Variants in SYT16 observed in about 807,000 individuals in gnomAD.
The protein encoded by SYT16 is synaptotagmin 16.
In SYT16, 42 loss-of-function variants were observed where a neutral mutation model predicts 61.4. That is an observed-to-expected ratio of 0.68 (90% CI 0.53 to 0.89). SYT16 has a LOEUF of 0.89. Among genes scored for constraint, SYT16 ranks in the 40% least tolerant of loss-of-function variants. SYT16 has a pLI of 0.00. For synonymous variants in SYT16, 314 were observed against 302.3 expected, an observed-to-expected ratio of 1.04 and a Z score of -0.40; for missense variants, 804 against 807.3, an observed-to-expected ratio of 1.00 and a Z score of 0.05.
At chr14:62,030,333 T>C (rs1432158168) in intron 3 of SYT16, among the ~76,000 whole-genome samples, 1 of 152,196 alleles carries the variant, frequency 6.6e-6, no homozygotes, top group East Asian at 1.9e-4. Context: ...TTTGAAAGTG[T>C]TTTAAACAGA....
At position 62,109,659 on chromosome 14, in the gene SYT16, A is replaced by G. The variant is rs1218206165; in HGVS notation, c.*8952A>G. The G allele has an allele frequency of 6.6e-6, 1 of 152,184 alleles. No homozygotes were observed. Among genetic ancestry groups the G allele is most frequent in the Admixed American group, 6.5e-5 (1 of 15,278 alleles). 9.4% of individuals were successfully genotyped at this position (152,184 alleles called of 1,614,324 possible). On this transcript the variant is annotated 3_prime_UTR_variant, in exon 8 of 8. Transcript: ENST00000683842. ...TTTCCCTCCATTGGAATCTAAACAGAAAGTTCTGAAGGTTATGAAGACGTG... is the reference window on the plus strand; with the variant it reads ...TTTCCCTCCATTGGAATCTAAACAGGAAGTTCTGAAGGTTATGAAGACGTG...
intron 3 of SYT16, among the ~76,000 whole-genome samples, chr14:62,010,082 A>G (rs2053383148): frequency 6.6e-6 from 1 of 152,164 alleles, no homozygotes; most frequent in Non-Finnish European, 1.5e-5. Context: ...AAATTTGACC[A>G]ATAGTGTAGT....
chr14:61,995,802 C>T (rs562051325), intron 2 of SYT16, 74 bp from the exon 3 acceptor site: 22 of 412,228 alleles, frequency 5.3e-5, no homozygotes, highest in East Asian at 3.9e-4. Context: ...TGTTTGACAT[C>T]GTCTGTAGGT....
rs1233745354 is a variant in SYT16 at position 62,048,548 on chromosome 14, G to A, written c.524-21055G>A. ...TGAATGTGTTTGCTCTTGCTTCTCT[G>A]GTTCTTTTAATTGTGATGTTAGGGT... On this transcript the variant is annotated intron_variant, in intron 3 of 7. Transcript: ENST00000683842. 4.6e-5 allele frequency among the ~76,000 whole-genome samples: 7 copies of A among 152,002 alleles called. No individual in the cohort carries two copies. The East Asian group carries it at 5.8e-4, about 13-fold the overall frequency.
chr14:61,945,902 C>T (rs1164113625), intron 1 of SYT16, among the ~76,000 whole-genome samples: 2 of 146,738 alleles, frequency 1.4e-5, no homozygotes, highest in East Asian at 4.1e-4. Context: ...AGTTAATGTC[C>T]TCTGCAGGGA....
intron 1 of SYT16, among the ~76,000 whole-genome samples, chr14:61,907,284 A>G (rs1269576651): frequency 6.6e-6 from 1 of 152,240 alleles, no homozygotes; most frequent in Non-Finnish European, 1.5e-5. Context: ...TGAGTGAGAC[A>G]TGTATATTAA....
intron 3 of SYT16, among the ~76,000 whole-genome samples, chr14:62,016,409 A>T (rs2053678126): frequency 6.6e-6 from 1 of 152,058 alleles, no homozygotes; most frequent in Non-Finnish European, 1.5e-5. Context: ...AAGTTATGGC[A>T]TTGGCCGGGT....
chr14:62,007,651 T>G (rs1057178354), intron 3 of SYT16, among the ~76,000 whole-genome samples: 4 of 152,248 alleles, frequency 2.6e-5, no homozygotes, highest in East Asian at 1.9e-4. Flanking sequence ...TGGACAGAAG[T>G]TAGAATATGT....
chr14:61,836,115 A>T (rs986872665), intron 1 of SYT16, among the ~76,000 whole-genome samples: 18 of 152,204 alleles, frequency 1.2e-4, no homozygotes, highest in African/African-American at 4.3e-4. Context: ...TACTTGCTAA[A>T]GTTTGAAAAC....
rs897859987 is a variant in SYT16 at position 62,110,190 on chromosome 14, G to A, written c.*9483G>A. The A allele has an allele frequency of 1.3e-5, 2 of 152,242 alleles. No individual in the cohort carries two copies. The highest frequency in any genetic ancestry group is 4.1e-4 in the South Asian group (2 of 4,830). 9.4% of individuals were successfully genotyped at this position (152,242 alleles called of 1,614,324 possible). On this transcript the variant is annotated 3_prime_UTR_variant, in exon 8 of 8. Coordinates refer to ENST00000683842, the MANE Select transcript of SYT16 (RefSeq NM_001367656.1). The stretch of plus-strand genomic sequence containing the variant: ...AGAATATTGGATTAAAGTTGATGAG[G>A]CCTGTGTTCTGATATCAAATCTTCC...
At position 62,101,970 on chromosome 14, in the gene SYT16, A is replaced by G. The variant is rs1409435568; in HGVS notation, c.*1263A>G. The G allele has an allele frequency of 6.6e-6, 1 of 152,212 alleles. No individual in the cohort carries two copies. The highest frequency in any genetic ancestry group is 1.5e-5 in the Non-Finnish European group (1 of 68,020). The allele number at this position is 152,212 out of a possible 1,614,324, so 9.4% of individuals were successfully genotyped here. A position where few individuals can be genotyped will look rare whatever the true frequency, so the allele number is the denominator to read the frequency against. On this transcript the variant is annotated 3_prime_UTR_variant, in exon 8 of 8. Coordinates refer to ENST00000683842, the MANE Select transcript of SYT16 (RefSeq NM_001367656.1). ...GTGCATGTTTACTTTCCTTATTCAT[A>G]GGTCTGGGCCCTTAATTTCAATTAC...
Position 62,069,589 on chromosome 14 carries a change from T to C in SYT16, c.524-14T>C. The C allele has an allele frequency of 6.2e-7, 1 of 1,611,750 alleles. No individual in the cohort carries two copies. Among genetic ancestry groups the C allele is most frequent in the Non-Finnish European group, 8.5e-7 (1 of 1,177,884 alleles). The stretch of plus-strand genomic sequence containing the variant: ...AGGCCACACAGGAGACTCATGGCTC[T>C]TGTTTACTCCCAGTCAACAGCTTTG... On this transcript the variant is annotated splice_polypyrimidine_tract_variant and intron_variant, in intron 3 of 7. Transcript: ENST00000683842.
intron 1 of SYT16, among the ~76,000 whole-genome samples, chr14:61,903,672 C>T (rs2048601105): frequency 6.6e-6 from 1 of 152,044 alleles, no homozygotes; most frequent in African/African-American, 2.4e-5. Context: ...CATTTTTTGA[C>T]TGGGATGGAA....
intron 1 of SYT16, among the ~76,000 whole-genome samples, chr14:61,875,509 T>C (rs2047459271): frequency 6.6e-6 from 1 of 152,188 alleles, no homozygotes; most frequent in Non-Finnish European, 1.5e-5. Flanking sequence ...TTTTTTCTCA[T>C]GTAAGGTTTT....
At chr14:62,053,468 G>A (rs1175312830) in intron 3 of SYT16, among the ~76,000 whole-genome samples, 1 of 152,146 alleles carries the variant, frequency 6.6e-6, no homozygotes, top group Non-Finnish European at 1.5e-5. Context: ...GCAGACCTTG[G>A]CACTTCTCAG....
intron 3 of SYT16, among the ~76,000 whole-genome samples, chr14:62,056,173 C>G (rs772668050): frequency 6.6e-6 from 1 of 151,884 alleles, no homozygotes; most frequent in African/African-American, 2.4e-5. Flanking sequence ...AGGAACATCA[C>G]GACGTTTGAT....
chr14:61,971,924 C>T (rs543470278), intron 2 of SYT16, among the ~76,000 whole-genome samples: 3 of 152,292 alleles, frequency 2.0e-5, no homozygotes, highest in South Asian at 2.1e-4. Flanking sequence ...GTGAGTGAGA[C>T]GAACAGATGT....
intron 2 of SYT16, among the ~76,000 whole-genome samples, chr14:61,992,660 TCTC>T (rs1234135129): frequency 1.3e-5 from 2 of 152,130 alleles, no homozygotes; most frequent in Non-Finnish European, 2.9e-5. Flanking sequence ...TTTGAGCACT[TCTC>T]CTCTTGTATG....
chr14:61,871,514 C>T (rs967841693), intron 1 of SYT16, among the ~76,000 whole-genome samples: 1 of 152,194 alleles, frequency 6.6e-6, no homozygotes, highest in Non-Finnish European at 1.5e-5. Flanking sequence ...GTCCCGTGAC[C>T]TGCTCTCCAG....
Sources: allele counts gnomAD v4.1 joint callset (sites outside exome capture counted in the v4.1 genomes callset), GRCh38; gene constraint gnomAD v4.1.1; transcripts MANE v1.5; gene names NCBI Gene and HGNC (gene_info 2026-07-23, HGNC 2026-07-21).